Variants in NELL1 observed in about 807,000 individuals in gnomAD.
NELL1 encodes neural EGFL like 1, also known as protein kinase C-binding protein NELL1.
Under a neutral mutation model 107.4 loss-of-function variants are expected in NELL1, and 76 were observed. The observed-to-expected ratio is 0.71, with a 90% confidence interval of 0.59 to 0.86. NELL1 has a LOEUF of 0.86. NELL1 is among the 40% of genes least tolerant of loss of function. The pLI, the probability that NELL1 is intolerant of heterozygous loss-of-function variation, is 0.00. For missense variants in NELL1, 1,024 were observed against 1,005.5 expected (o/e 1.02, Z -0.25); for synonymous variants, 353 against 341.2 (o/e 1.03, Z -0.38).
At chr11:20,844,888 A>G (rs7109727) in intron 3 of NELL1, among the ~76,000 whole-genome samples, 44,424 of 152,146 alleles carry the variant, frequency 0.29, 7,796 homozygotes, top group African/African-American at 0.48. Flanking sequence ...AGGTTCTACT[A>G]GAAAACATGA....
In NELL1 at chr11:21,498,348, CATAT is replaced by C. The variant is rs36022880; in HGVS notation, c.1646-36014_1646-36011del. Among the ~76,000 whole-genome samples, 457 of 143,060 alleles carry C rather than the reference CATAT, an allele frequency of 3.2e-3. 3 individuals carry two copies. The highest frequency in any genetic ancestry group is 5.9e-3 in the Non-Finnish European group (390 of 65,762). 93.9% of individuals were successfully genotyped at this position (143,060 alleles called of 152,430 possible). On this transcript the variant is annotated intron_variant, in intron 15 of 19. Coordinates refer to ENST00000357134, the MANE Select transcript of NELL1 (RefSeq NM_006157.5). ...CATAAACATATTATATATATATATA[CATAT>C]ATATATATATACAGACACACATATA...
chr11:20,677,465 A>G (rs1214569219), intron 1 of NELL1, among the ~76,000 whole-genome samples: 1 of 152,222 alleles, frequency 6.6e-6, no homozygotes, highest in Non-Finnish European at 1.5e-5. Context: ...AGTTGAACTC[A>G]TTTCATGGCA....
intron 12 of NELL1, among the ~76,000 whole-genome samples, chr11:20,972,008 G>C (rs183327688): frequency 0.025 from 3,477 of 137,560 alleles, 146 homozygotes; most frequent in African/African-American, 0.086. Context: ...GGGAACAACA[G>C]ACACTGGGGC....
chr11:21,246,331 A>G (rs1297668678), intron 14 of NELL1, among the ~76,000 whole-genome samples: 1 of 152,196 alleles, frequency 6.6e-6, no homozygotes, highest in African/African-American at 2.4e-5. Flanking sequence ...TTTATGTAAC[A>G]CTGAAATTGT....
chr11:21,251,485 A>G (rs1858636905), intron 14 of NELL1, among the ~76,000 whole-genome samples: 1 of 152,084 alleles, frequency 6.6e-6, no homozygotes, highest in Non-Finnish European at 1.5e-5. Flanking sequence ...ATATAATCAC[A>G]TGAAGTTAGA....
chr11:21,165,361 A>G (rs1364611739), intron 13 of NELL1, among the ~76,000 whole-genome samples: 1 of 152,178 alleles, frequency 6.6e-6, no homozygotes, highest in Admixed American at 6.6e-5. Flanking sequence ...GAATTTTTGT[A>G]TCTAGTCTTC....
At chr11:20,765,575 C>G (rs962208766) in intron 2 of NELL1, among the ~76,000 whole-genome samples, 1 of 152,036 alleles carries the variant, frequency 6.6e-6, no homozygotes, top group African/African-American at 2.4e-5. Flanking sequence ...TGGCAGGTAA[C>G]CAGGTATGGA....
chr11:21,412,451 T>G (rs1852401904), intron 15 of NELL1, among the ~76,000 whole-genome samples: 1 of 152,122 alleles, frequency 6.6e-6, no homozygotes, highest in Non-Finnish European at 1.5e-5. Context: ...ATTTGTCATT[T>G]TATAGGCAAA....
chr11:20,679,773 G>C (rs1854146032), intron 2 of NELL1, among the ~76,000 whole-genome samples: 1 of 152,078 alleles, frequency 6.6e-6, no homozygotes, highest in East Asian at 1.9e-4. Flanking sequence ...GAGTCCTGCT[G>C]ACCTAGATAC....
chr11:20,740,289 C>T (rs781398993), intron 2 of NELL1, among the ~76,000 whole-genome samples: 11 of 152,166 alleles, frequency 7.2e-5, no homozygotes, highest in Non-Finnish European at 1.2e-4. Context: ...TACTGTCACT[C>T]CTCAAACTAG....
chr11:20,878,010 A>G (rs1474135014), intron 4 of NELL1, among the ~76,000 whole-genome samples: 2 of 152,198 alleles, frequency 1.3e-5, no homozygotes, highest in East Asian at 1.9e-4. Flanking sequence ...AATGTGATAC[A>G]TTTAGACTGA....
rs139577813 is a variant in NELL1 at position 21,366,834 on chromosome 11, G to A, written c.1550-4019G>A. ...TTTACTTACTGTTTCAGGATTTCAGGGTGTCCCTAGGAACTAAATATATGT... is the reference window on the plus strand; with the variant it reads ...TTTACTTACTGTTTCAGGATTTCAGAGTGTCCCTAGGAACTAAATATATGT... On this transcript the variant is annotated intron_variant, in intron 14 of 19. Coordinates refer to ENST00000357134, the MANE Select transcript of NELL1 (RefSeq NM_006157.5). 5.3e-5 allele frequency among the ~76,000 whole-genome samples: 8 copies of A among 152,084 alleles called. No homozygotes were observed. The East Asian group carries it at 1.4e-3, about 26-fold the overall frequency.
chr11:20,817,222 T>C (rs992821988), intron 3 of NELL1, among the ~76,000 whole-genome samples: 2 of 152,162 alleles, frequency 1.3e-5, no homozygotes, highest in African/African-American at 4.8e-5. Context: ...TGGTACCAAC[T>C]CTTCTTTGTA....
At chr11:21,569,932 G>C (rs1857060156) in intron 17 of NELL1, among the ~76,000 whole-genome samples, 1 of 151,774 alleles carries the variant, frequency 6.6e-6, no homozygotes. Flanking sequence ...AGCATGAATG[G>C]TGATGACAGA....
intron 14 of NELL1, among the ~76,000 whole-genome samples, chr11:21,356,376 T>C (rs1470433399): frequency 3.3e-5 from 5 of 152,102 alleles, no homozygotes; most frequent in Non-Finnish European, 1.5e-5. Context: ...GGGAGCTAGA[T>C]AATTCTTTGT....
intron 2 of NELL1, among the ~76,000 whole-genome samples, chr11:20,742,125 G>A (rs538349418): frequency 3.3e-5 from 5 of 152,316 alleles, no homozygotes; most frequent in African/African-American, 1.2e-4. Context: ...TATTGAGGAG[G>A]ACTTTGCAGT....
intron 5 of NELL1, among the ~76,000 whole-genome samples, chr11:20,890,649 G>C (rs796474604): frequency 2.0e-5 from 3 of 152,132 alleles, no homozygotes; most frequent in African/African-American, 7.2e-5. Context: ...AGAATAACCA[G>C]CTTAGAGAGG....
chr11:21,094,368 G>T (rs1231216777), intron 12 of NELL1, among the ~76,000 whole-genome samples: 1 of 152,224 alleles, frequency 6.6e-6, no homozygotes, highest in Non-Finnish European at 1.5e-5. Context: ...TTGAGTGTCT[G>T]CATCTTTTCC....
At chr11:20,945,956 G>A (rs541087452) in intron 10 of NELL1, among the ~76,000 whole-genome samples, 2 of 152,322 alleles carry the variant, frequency 1.3e-5, no homozygotes, top group South Asian at 4.1e-4. Flanking sequence ...GATAAAAGGA[G>A]AAGAAAAGAC....
Sources: allele counts gnomAD v4.1 joint callset (sites outside exome capture counted in the v4.1 genomes callset), GRCh38; gene constraint gnomAD v4.1.1; transcripts MANE v1.5; gene names NCBI Gene and HGNC (gene_info 2026-07-23, HGNC 2026-07-21).